The following TMEM101 variants were observed in gnomAD, a reference collection of about 807,000 sequenced individuals.
The protein encoded by TMEM101 is putative NF-kappa-B-activating protein 130.
TMEM101 carries 14 observed loss-of-function variants against 26.0 expected under a neutral mutation model. The observed-to-expected ratio is 0.54, with a 90% CI of 0.36 to 0.84. TMEM101 has a LOEUF of 0.84. Among genes scored for constraint, TMEM101 ranks in the 40% least tolerant of loss-of-function variants. The pLI is 0.01. For synonymous variants in TMEM101, 152 were observed against 145.1 expected (o/e 1.05, Z -0.34); for missense variants, 292 against 345.1 (o/e 0.85, Z 1.22).
chr17:44,018,838 G>C (rs180755534), upstream of TMEM101, among the ~76,000 whole-genome samples: 45 of 152,260 alleles, frequency 3.0e-4, no homozygotes, highest in East Asian at 8.3e-3. Context: ...CCCTTCTCAG[G>C]GCTGAAGTCC....
intron 1 of TMEM101, among the ~76,000 whole-genome samples, chr17:44,022,281 G>C (rs925949756): frequency 6.6e-6 from 1 of 152,148 alleles, no homozygotes; most frequent in African/African-American, 2.4e-5. Flanking sequence ...TTTTACTAGG[G>C]TTAATTTCCC....
At chr17:44,014,970 C>G (rs1156428740), upstream of TMEM101, 1 of 1,601,496 alleles carries the variant, frequency 6.2e-7, no homozygotes. Context: ...AAGGGCAGTC[C>G]GCTGCGGCCT....
upstream of TMEM101, among the ~76,000 whole-genome samples, chr17:44,016,088 G>T (rs1011890654): frequency 6.6e-6 from 1 of 151,268 alleles, no homozygotes; most frequent in Non-Finnish European, 1.5e-5. Flanking sequence ...ACTTGGCACG[G>T]TGGCAATTAG....
intron 2 of TMEM101, among the ~76,000 whole-genome samples, chr17:44,020,587 C>T (rs183574354): frequency 2.0e-5 from 3 of 152,186 alleles, no homozygotes; most frequent in East Asian, 1.9e-4. Context: ...CCAGGCGTGG[C>T]GACATGCACC....
In TMEM101 at chr17:44,014,917, C is replaced by A. The variant is rs1407200483; in HGVS notation, c.36G>T (p.Leu12Phe). The A allele has an allele frequency of 6.2e-7, 1 of 1,613,938 alleles. No homozygotes were observed. The highest frequency in any genetic ancestry group is 8.5e-7 in the Non-Finnish European group (1 of 1,179,890). Reference sequence around the variant, plus strand: ...CCGAACCCAACTGCATGATCAGCTGCAACATCCACCGTCTCGAACCTATCT... The same window carrying A: ...CCGAACCCAACTGCATGATCAGCTGAAACATCCACCGTCTCGAACCTATCT... ...ASKIGSRRWM[L>F]QLIMQLGSVL... Residue 12 changes from leucine to phenylalanine, a missense_variant, in exon 1 of 4, where the codon TTG becomes TTT. By Grantham distance (22) the Leu-to-Phe change is conservative. This residue lies in a region of TMEM101 where 143 missense variants were observed against 133.2 expected (regional missense o/e 1.07). Transcript: ENST00000206380.
rs1442825743 is a variant in TMEM101 at position 44,014,532 on chromosome 17, G to C, written c.143C>G (p.Pro48Arg). 14 of 1,567,984 alleles carry C rather than the reference G, an allele frequency of 8.9e-6. No homozygotes were observed. The highest frequency in any genetic ancestry group is 1.2e-5 in the Non-Finnish European group (14 of 1,154,276). ...ATACAGGTAAGGCACTGGGATGTCG[G>C]GCTTCCTGCGAGCCGGGAGTGGGGA... is the stretch of plus-strand genomic sequence containing the variant. ...YAERAEARRK[P>R]DIPVPYLYFD... Residue 48 changes from proline to arginine, a missense_variant, in exon 2 of 4, where the codon CCC becomes CGC. Transcript: ENST00000206380.
At chr17:44,023,018 G>T (rs544793734) in intron 1 of TMEM101, 101 of 282,450 alleles carry the variant, frequency 3.6e-4, no homozygotes, top group African/African-American at 2.2e-3. Flanking sequence ...AGGGAAAAGA[G>T]ATATATATAT....
At chr17:44,022,209 A>G (rs972662659) in intron 1 of TMEM101, among the ~76,000 whole-genome samples, 2 of 152,222 alleles carry the variant, frequency 1.3e-5, no homozygotes, top group Admixed American at 6.5e-5. Context: ...AGCCTTTGGT[A>G]AAACGGATTA....
chr17:44,019,636 G>A (rs78221700), upstream of TMEM101, among the ~76,000 whole-genome samples: 11 of 152,192 alleles, frequency 7.2e-5, 1 homozygote, highest in South Asian at 6.2e-4. Context: ...AACCTGTTCC[G>A]GGACTTGGTG....
In TMEM101 at chr17:44,013,033, G is replaced by C; in HGVS notation, c.441C>G (p.Phe147Leu). ...CCACACAGATGAGGTAGATACCCAG[G>C]AACACCTGGCCGGTGGACTGCAGGG... Reference protein sequence around the residue: ...SRSLQSTGQVFLGIYLICVAY... With the variant: ...SRSLQSTGQVLLGIYLICVAY... The change falls in exon 3 of 4, where the codon TTC becomes TTG. Residue 147 changes from phenylalanine (F) to leucine (L), a missense_variant. By Grantham distance (22) the Phe-to-Leu change is conservative. Around this residue, in one of 2 missense-constraint regions of TMEM101, gnomAD observed 149 missense variants for 211.9 expected, o/e 0.70. Transcript: ENST00000206380. The C allele has an allele frequency of 6.2e-7, 1 of 1,605,752 alleles. No individual in the cohort carries two copies. Among genetic ancestry groups the C allele is most frequent in the Non-Finnish European group, 8.5e-7 (1 of 1,173,598 alleles).
Position 44,011,976 on chromosome 17 carries a change from C to G in TMEM101, c.726G>C (p.Glu242Asp). 6.2e-7 allele frequency: 1 copy of G among 1,614,032 alleles called. No homozygotes were observed. The change falls in exon 4 of 4, where the codon GAG becomes GAC. Residue 242 changes from glutamate (E) to aspartate (D), a missense_variant. This residue lies in a region of TMEM101 where 149 missense variants were observed against 211.9 expected (regional missense o/e 0.70). Coordinates refer to ENST00000206380, the MANE Select transcript of TMEM101 (RefSeq NM_032376.4). The stretch of plus-strand genomic sequence containing the variant: ...CAGCAGTTCCGAAGATGCCCACACT[C>G]TCTCCAAGGAGCTTCATCTGGTTCC... Reference protein sequence around the residue: ...EFWNQMKLLGESVGIFGTAVI... With the variant: ...EFWNQMKLLGDSVGIFGTAVI...
upstream of TMEM101, among the ~76,000 whole-genome samples, chr17:44,015,560 A>AT (rs2049222406): frequency 6.6e-6 from 1 of 151,826 alleles, no homozygotes; most frequent in Admixed American, 6.6e-5. Context: ...CGCCCGGCTA[A>AT]TTTTTTGTAT....
chr17:44,012,905 C>T, intron 3 of TMEM101, 104 bp downstream of exon 3: 1 of 1,293,714 alleles, frequency 7.7e-7, no homozygotes, highest in African/African-American at 1.5e-5. Flanking sequence ...TCAGGAACTG[C>T]ACTCAGGGCC....
At chr17:44,014,720 A>G (rs1473784216) in intron 1 of TMEM101, 96 bp downstream of exon 1, 6 of 1,506,008 alleles carry the variant, frequency 4.0e-6, no homozygotes, top group Middle Eastern at 2.1e-4. Flanking sequence ...GGAGGTCCCA[A>G]TTCCTCCCAG....
upstream of TMEM101, among the ~76,000 whole-genome samples, chr17:44,015,618 C>T (rs113675689): frequency 3.0e-3 from 450 of 152,294 alleles, 2 homozygotes; most frequent in Non-Finnish European, 5.5e-3. Flanking sequence ...TGGTCTCGAT[C>T]TCCTGACTTC....
chr17:44,014,331 G>A (rs749992400), intron 2 of TMEM101, 26 bp downstream of exon 2: 4 of 1,540,304 alleles, frequency 2.6e-6, no homozygotes, highest in Middle Eastern at 3.6e-4. Flanking sequence ...CCAGAGGGAA[G>A]ACCCTTTTGG....
At chr17:44,014,224 A>C (rs1270581759) in intron 2 of TMEM101, 133 bp downstream of exon 2, 1 of 1,042,486 alleles carries the variant, frequency 9.6e-7, no homozygotes, top group African/African-American at 1.6e-5. Flanking sequence ...CCATAAGCCA[A>C]GGGGTTCGAA....
chr17:44,012,923 G>A, intron 3 of TMEM101, 86 bp downstream of exon 3: 2 of 1,405,766 alleles, frequency 1.4e-6, no homozygotes, highest in Non-Finnish European at 1.9e-6. Flanking sequence ...GCCTCGTTCT[G>A]TGTCTACCTT....
In TMEM101 at chr17:44,011,249, AC is replaced by A. The variant is rs1405409252; in HGVS notation, c.*678del. ...GGTCTGGTGTTTGGGAGGGAACTCC[AC>A]CCCCACCAGGCCAACCATGGAGCTA... On this transcript the variant is annotated 3_prime_UTR_variant, in exon 4 of 4. Transcript: ENST00000206380. 1 of 152,226 alleles carries A rather than the reference AC, an allele frequency of 6.6e-6. No individual in the cohort carries two copies. Among genetic ancestry groups the A allele is most frequent in the Non-Finnish European group, 1.5e-5 (1 of 68,088 alleles). 9.4% of individuals were successfully genotyped at this position (152,226 alleles called of 1,614,324 possible).
Sources: gnomAD v4.1 joint callset for allele counts (sites outside exome capture counted in the v4.1 genomes callset) on GRCh38, gnomAD v4.1.1 for gene constraint, gnomAD v4.1.1 regional missense constraint, MANE v1.5 for transcripts, NCBI Gene and HGNC (gene_info 2026-07-23, HGNC 2026-07-21) for gene names.